TTK: variants seen among roughly 807,000 people sequenced by gnomAD.
The protein encoded by TTK is TTK protein kinase.
TTK carries 59 observed loss-of-function variants against 117.3 expected under a neutral mutation model. The ratio of observed to expected loss-of-function variants is 0.50; its 90% CI spans 0.41 to 0.62. The LOEUF is 0.62. Ranked by LOEUF, TTK falls within the 20% of genes least tolerant of loss-of-function variation. The pLI, the probability that TTK is intolerant of heterozygous loss-of-function variation, is 0.00. For synonymous variants in TTK, 302 were observed against 325.0 expected, an observed-to-expected ratio of 0.93 and a Z score of 0.76; for missense variants, 921 against 989.4, an observed-to-expected ratio of 0.93 and a Z score of 0.93.
At chr6:80,021,285 T>C (rs1767451507) in intron 10 of TTK, among the ~76,000 whole-genome samples, 1 of 152,232 alleles carries the variant, frequency 6.6e-6, no homozygotes, top group Non-Finnish European at 1.5e-5. Context: ...CAGCTAGCCA[T>C]GAGCAGCTGG....
At position 80,037,990 on chromosome 6, in the gene TTK, A is replaced by G; in HGVS notation, c.2073A>G (p.Pro691=). Residue 691 remains proline, a synonymous_variant, in exon 18 of 22, where the codon CCA becomes CCG. Coordinates refer to ENST00000369798, the MANE Select transcript of TTK (RefSeq NM_003318.5). Reference sequence around the variant, plus strand: ...AGGTTGGCACAGTTAATTATATGCCACCAGAAGCAATCAAAGATATGTCTT... The same window carrying G: ...AGGTTGGCACAGTTAATTATATGCCGCCAGAAGCAATCAAAGATATGTCTT... The part of the protein sequence containing the change: ...DSQVGTVNYM[P]PEAIKDMSSS... The G allele has an allele frequency of 6.2e-7, 1 of 1,610,666 alleles. No homozygotes were observed.
At chr6:80,017,079 T>G (rs918641359) in intron 10 of TTK, among the ~76,000 whole-genome samples, 6 of 152,254 alleles carry the variant, frequency 3.9e-5, no homozygotes, top group Non-Finnish European at 8.8e-5. Flanking sequence ...ACCTTCTGAT[T>G]TATATCTTTC....
At position 80,026,414 on chromosome 6, in the gene TTK, G is replaced by T. The variant is rs1213808321; in HGVS notation, c.1294G>T (p.Val432Phe). ...CACTTTTGAGCAACCTGTCTTTTCA[G>T]TTTCAAAACAGTCACCACCAATATC... Reference protein sequence around the residue: ...HTTFEQPVFSVSKQSPPISTS... With the variant: ...HTTFEQPVFSFSKQSPPISTS... Residue 432 changes from valine to phenylalanine, a missense_variant, in exon 12 of 22, where the codon GTT (valine) becomes TTT (phenylalanine). Transcript: ENST00000369798. 1.9e-6 allele frequency: 3 copies of T among 1,613,424 alleles called. No homozygotes were observed. The highest frequency in any genetic ancestry group is 2.5e-6 in the Non-Finnish European group (3 of 1,179,792).
At chr6:80,029,407 G>A (rs1767696226) in intron 13 of TTK, among the ~76,000 whole-genome samples, 1 of 152,226 alleles carries the variant, frequency 6.6e-6, no homozygotes, top group Non-Finnish European at 1.5e-5. Context: ...AGGTGATAGT[G>A]TTTTAAGGAT....
rs1767759063 is a variant in TTK, at chr6:80,031,506, A to G, written c.1561A>G (p.Lys521Glu). 6.6e-7 allele frequency: 1 copy of G among 1,524,228 alleles called. No homozygotes were observed. Among genetic ancestry groups the G allele is most frequent in the Admixed American group, 2.1e-5 (1 of 46,660 alleles). The allele number at this position is 1,524,228 out of a possible 1,614,324, so 94.4% of individuals were successfully genotyped here. ...TTCAGCAAATGAATGCATTTCGGTT[A>G]AAGGAAGAATTTATTCCATATTAAA... ...SSSANECISV[K>E]GRIYSILKQI... Residue 521 changes from lysine to glutamate, a missense_variant, in exon 14 of 22, where the codon AAA (lysine) becomes GAA (glutamate). Lys to Glu is a moderately conservative substitution (Grantham distance 56). Transcript: ENST00000369798.
chr6:80,008,239 G>A, intron 3 of TTK, 147 bp from the exon 4 acceptor site: 1 of 1,011,554 alleles, frequency 9.9e-7, no homozygotes, highest in South Asian at 1.8e-5. Context: ...TGCCTAAAAA[G>A]ATTTTTTTAA....
At chr6:80,041,980 T>C (rs1475770849) in intron 21 of TTK, 139 bp from the exon 22 acceptor site, 2 of 473,620 alleles carry the variant, frequency 4.2e-6, no homozygotes, top group African/African-American at 4.0e-5. Flanking sequence ...TCTCTAATAG[T>C]TTATAAAATA....
chr6:80,019,425 A>T (rs181068640), intron 10 of TTK, among the ~76,000 whole-genome samples: 4 of 152,322 alleles, frequency 2.6e-5, no homozygotes, highest in African/African-American at 9.6e-5. Context: ...ATTTTTTCTT[A>T]ATTGGAAATG....
intron 10 of TTK, among the ~76,000 whole-genome samples, chr6:80,021,404 C>T (rs1049148452): frequency 1.1e-4 from 16 of 152,162 alleles, no homozygotes; most frequent in Middle Eastern, 3.2e-3. Flanking sequence ...CAGGCTGAGC[C>T]CCTCAAAACA....
Position 80,038,070 on chromosome 6 carries a change from C to T in TTK, c.2130+23C>T, listed in dbSNP as rs756692697. On this transcript the variant is annotated intron_variant, in intron 18 of 21. Transcript: ENST00000369798. ...AAGGTACTGAAAAGATTATTTACAT[C>T]ACAATTATCTGGCAACAGTAGGGAA... 12 of 1,515,138 alleles carry T rather than the reference C, an allele frequency of 7.9e-6. No homozygotes were observed. In the Admixed American group the frequency reaches 1.8e-4, roughly 22 times the overall value. The allele number at this position is 1,515,138 out of a possible 1,614,324, so 93.9% of individuals were successfully genotyped here. A position where few individuals can be genotyped will look rare whatever the true frequency, so the allele number is the denominator to read the frequency against.
intron 11 of TTK, among the ~76,000 whole-genome samples, chr6:80,022,995 G>T (rs900742555): frequency 2.0e-5 from 3 of 152,230 alleles, no homozygotes; most frequent in Admixed American, 6.5e-5. Flanking sequence ...CCTAGACAAC[G>T]TACATGAATT....
At chr6:80,015,487 A>G (rs1033347023) in intron 10 of TTK, among the ~76,000 whole-genome samples, 2 of 152,162 alleles carry the variant, frequency 1.3e-5, no homozygotes, top group Admixed American at 6.5e-5. Context: ...GGACTTTGGG[A>G]CAAAGTGAGG....
At chr6:80,028,723 G>A (rs182459802) in intron 13 of TTK, among the ~76,000 whole-genome samples, 16 of 152,264 alleles carry the variant, frequency 1.1e-4, no homozygotes, top group African/African-American at 4.8e-5. Context: ...TATCAGAATA[G>A]CAATATGAGG....
At chr6:80,039,631 A>G (rs571483633) in intron 18 of TTK, 65 bp from the exon 19 acceptor site, 3 of 1,227,168 alleles carry the variant, frequency 2.4e-6, no homozygotes, top group South Asian at 3.8e-5. Context: ...TATTTAATAT[A>G]TATGTTTTTT....
chr6:80,035,747 A>T (rs1377923714), intron 16 of TTK, among the ~76,000 whole-genome samples: 1 of 152,038 alleles, frequency 6.6e-6, no homozygotes, highest in Admixed American at 6.6e-5. Flanking sequence ...AAAATATGAG[A>T]TGTTTACTTT....
chr6:80,027,938 C>T lies in TTK; in HGVS notation c.1448C>T (p.Thr483Ile). 1 of 1,608,326 alleles carries T rather than the reference C, an allele frequency of 6.2e-7. No individual in the cohort carries two copies. The highest frequency in any genetic ancestry group is 8.5e-7 in the Non-Finnish European group (1 of 1,176,616). The change falls in exon 13 of 22, where the codon ACA (threonine) becomes ATA (isoleucine). Residue 483 changes from threonine to isoleucine, a missense_variant. By Grantham distance (89) the Thr-to-Ile change is moderately conservative. Coordinates refer to ENST00000369798, the MANE Select transcript of TTK (RefSeq NM_003318.5). The part of the protein sequence containing the change: ...NDFPPACQLS[T>I]PYGQPACFQQ... ...TTTCCACCTGCTTGTCAGTTGTCAA[C>T]ACCTTATGGCCAACCTGCCTGTTTC...
chr6:80,026,655 G>A (rs1194729689), intron 12 of TTK, 141 bp downstream of exon 12: 1 of 1,252,110 alleles, frequency 8.0e-7, no homozygotes, highest in East Asian at 2.5e-5. Flanking sequence ...TTCAGCATCA[G>A]TGTTTTCATC....
At chr6:80,015,212 A>G (rs1412335952) in intron 10 of TTK, among the ~76,000 whole-genome samples, 1 of 152,196 alleles carries the variant, frequency 6.6e-6, no homozygotes, top group African/African-American at 2.4e-5. Context: ...AGTATTTCAG[A>G]TGAAGAGGAT....
chr6:80,017,461 T>C (rs981523037), intron 10 of TTK, among the ~76,000 whole-genome samples: 2 of 152,106 alleles, frequency 1.3e-5, no homozygotes, highest in African/African-American at 4.8e-5. Context: ...AGTTTTTTTG[T>C]AGAGATGGAG....
Sources: allele counts gnomAD v4.1 joint callset (sites outside exome capture counted in the v4.1 genomes callset), GRCh38; gene constraint gnomAD v4.1.1; transcripts MANE v1.5; gene names NCBI Gene and HGNC (gene_info 2026-07-23, HGNC 2026-07-21).